The following LRBA variants were observed in gnomAD, a reference collection of about 807,000 sequenced individuals.
LRBA encodes LPS responsive beige-like anchor protein.
LRBA carries 176 observed loss-of-function variants against 330.0 expected under a neutral mutation model. The observed-to-expected ratio is 0.53, with a 90% CI of 0.47 to 0.60. LRBA has a LOEUF of 0.60. Ranked by LOEUF, LRBA falls within the 20% of genes least tolerant of loss-of-function variation. The pLI, the probability that LRBA is intolerant of heterozygous loss-of-function variation, is 0.00. For synonymous variants in LRBA, 1,230 were observed against 1,193.0 expected (o/e 1.03, Z -0.64); for missense variants, 3,259 against 3,444.8 (o/e 0.95, Z 1.35).
chr4:150,836,049 T>C (rs1348632322), intron 28 of LRBA, among the ~76,000 whole-genome samples: 1 of 152,216 alleles, frequency 6.6e-6, no homozygotes, highest in Non-Finnish European at 1.5e-5. Context: ...TCTGCATCTA[T>C]TGAGACAATC....
chr4:150,741,538 T>C (rs1731974229), intron 35 of LRBA, among the ~76,000 whole-genome samples: 1 of 152,156 alleles, frequency 6.6e-6, no homozygotes, highest in East Asian at 1.9e-4. Flanking sequence ...TAACAGGGAC[T>C]CTTATAATCA....
rs1179130964 is a variant in LRBA at position 150,265,034 on chromosome 4, AT to A, written c.*687del. 1 of 152,682 alleles carries A rather than the reference AT, an allele frequency of 6.5e-6. No individual in the cohort carries two copies. Among genetic ancestry groups the A allele is most frequent in the Non-Finnish European group, 1.5e-5 (1 of 68,056 alleles). 9.5% of individuals were successfully genotyped at this position (152,682 alleles called of 1,614,324 possible). A position where few individuals can be genotyped will look rare whatever the true frequency, so the allele number is the denominator to read the frequency against. Reference sequence around the variant, plus strand: ...TTGTGAGCTCAAGAGCATTTCCATCATTTCGTTTTGTTGTGCTATGAAGATG... The same window carrying A: ...TTGTGAGCTCAAGAGCATTTCCATCATTCGTTTTGTTGTGCTATGAAGATG... On this transcript the variant is annotated 3_prime_UTR_variant, in exon 57 of 57. Transcript: ENST00000651943.
At chr4:150,954,505 T>G (rs1433699224) in intron 2 of LRBA, among the ~76,000 whole-genome samples, 1 of 151,842 alleles carries the variant, frequency 6.6e-6, no homozygotes, top group East Asian at 1.9e-4. Context: ...CTGTGTCCAC[T>G]AAGGGTTAAA....
rs1752022429 is a variant in LRBA, at chr4:150,442,925, G to T, written c.6781-6061C>A. ...ATGATTTGGTCTGAGAAGACTCCAGGGAAAAACTATGATATATATGTCAAA... is the reference window on the plus strand; with the variant it reads ...ATGATTTGGTCTGAGAAGACTCCAGTGAAAAACTATGATATATATGTCAAA... On this transcript the variant is annotated intron_variant, in intron 44 of 56. Coordinates refer to ENST00000651943, the MANE Select transcript of LRBA (RefSeq NM_001364905.1). Among the ~76,000 whole-genome samples the T allele has an allele frequency of 2.0e-5, 3 of 152,108 alleles. No individual in the cohort carries two copies. The South Asian group carries it at 6.2e-4, about 32-fold the overall frequency.
chr4:150,529,634 T>G (rs932038184), intron 40 of LRBA, among the ~76,000 whole-genome samples: 1 of 151,442 alleles, frequency 6.6e-6, no homozygotes, highest in Non-Finnish European at 1.5e-5. Context: ...GAGAATTGCT[T>G]GAACCAGGAC....
intron 47 of LRBA, among the ~76,000 whole-genome samples, chr4:150,398,147 A>G (rs1744998747): frequency 1.3e-5 from 2 of 152,186 alleles, no homozygotes; most frequent in Non-Finnish European, 2.9e-5. Flanking sequence ...TGGAATAGAA[A>G]TATGTGAGAT....
intron 37 of LRBA, among the ~76,000 whole-genome samples, chr4:150,659,069 A>G (rs1378901417): frequency 1.5e-5 from 2 of 134,456 alleles, no homozygotes; most frequent in Admixed American, 7.6e-5. Flanking sequence ...GCTCACTACA[A>G]CCCACACCTC....
At chr4:150,273,263 A>C (rs1421768382) in intron 56 of LRBA, among the ~76,000 whole-genome samples, 1 of 152,228 alleles carries the variant, frequency 6.6e-6, no homozygotes, top group African/African-American at 2.4e-5. Flanking sequence ...GCAAGTGTTG[A>C]GACATTTAGT....
intron 42 of LRBA, among the ~76,000 whole-genome samples, chr4:150,480,541 A>C (rs1383227537): frequency 1.3e-5 from 2 of 152,118 alleles, no homozygotes; most frequent in Non-Finnish European, 2.9e-5. Context: ...ATATTAAATA[A>C]TGCTATAGCA....
chr4:150,620,473 A>T (rs1483360812), intron 37 of LRBA, among the ~76,000 whole-genome samples: 1 of 152,182 alleles, frequency 6.6e-6, no homozygotes. Flanking sequence ...CTGAAGGGAA[A>T]TCAGTCATTA....
At chr4:150,901,963 C>T (rs1439017913) in intron 13 of LRBA, among the ~76,000 whole-genome samples, 1 of 151,996 alleles carries the variant, frequency 6.6e-6, no homozygotes, top group Non-Finnish European at 1.5e-5. Context: ...AACACTGTAT[C>T]ATGGAAATAC....
At chr4:150,717,270 T>G (rs1728327688) in intron 36 of LRBA, among the ~76,000 whole-genome samples, 1 of 152,194 alleles carries the variant, frequency 6.6e-6, no homozygotes, top group Admixed American at 6.5e-5. Flanking sequence ...TATAGAAGTG[T>G]TTATTTTTAA....
intron 46 of LRBA, chr4:150,423,401 T>C: frequency 1.6e-6 from 1 of 636,592 alleles, no homozygotes; most frequent in Non-Finnish European, 2.8e-6. Context: ...CCACAGTCCC[T>C]TCCTTCTGCG....
Position 150,844,822 on chromosome 4 carries a change from T to C in LRBA, c.4340-43A>G, listed in dbSNP as rs748413425. On this transcript the variant is annotated intron_variant, in intron 26 of 56. Coordinates refer to ENST00000651943, the MANE Select transcript of LRBA (RefSeq NM_001364905.1). ...GAAAAGATAGGGAAAGAAAAGTTAA[T>C]ATTTAAGATTATGGAAGTGAAAAAC... is the stretch of plus-strand genomic sequence containing the variant. The C allele has an allele frequency of 2.0e-6, 3 of 1,523,850 alleles. No individual in the cohort carries two copies. The Admixed American group carries it at 5.2e-5, about 26-fold the overall frequency. The allele number at this position is 1,523,850 out of a possible 1,614,324, so 94.4% of individuals were successfully genotyped here.
chr4:150,291,012 T>G (rs1010859808), intron 53 of LRBA, among the ~76,000 whole-genome samples: 8 of 151,852 alleles, frequency 5.3e-5, no homozygotes, highest in South Asian at 2.1e-4. Context: ...TTGTGCAGGT[T>G]AGTTACATAT....
rs553330481 is a variant in LRBA, at chr4:150,587,897, CA to C, written c.6330+150del. 8.2e-3 allele frequency: 5,998 copies of C among 728,384 alleles called. 53 individuals are homozygous for C. Among genetic ancestry groups the C allele is most frequent in the South Asian group, 0.015 (475 of 30,686 alleles). The allele number at this position is 728,384 out of a possible 1,614,324, so 45.1% of individuals were successfully genotyped here. A position where few individuals can be genotyped will look rare whatever the true frequency, so the allele number is the denominator to read the frequency against. On this transcript the variant is annotated intron_variant, in intron 40 of 56. Coordinates refer to ENST00000651943, the MANE Select transcript of LRBA (RefSeq NM_001364905.1). ...ATAATCTAACTAACTGGTAGGGAAT[CA>C]TAAACTAAAGAAGATAATGACATTG... is the stretch of plus-strand genomic sequence containing the variant.
intron 47 of LRBA, 138 bp from the exon 48 acceptor site, chr4:150,350,297 C>T (rs888850140): frequency 1.4e-5 from 9 of 653,136 alleles, no homozygotes; most frequent in East Asian, 9.8e-5. Context: ...TGTGGCCGGG[C>T]GCAGTGGCTC....
At chr4:150,735,403 T>C in intron 35 of LRBA, 37 bp from the exon 36 acceptor site, 1 of 1,262,538 alleles carries the variant, frequency 7.9e-7, no homozygotes, top group Non-Finnish European at 1.2e-6. Flanking sequence ...AATATATGTA[T>C]ACACACACAA....
intron 4 of LRBA, 60 bp from the exon 5 acceptor site, chr4:150,921,353 ATCTTTAATATAG>A (rs1167330547): frequency 2.1e-6 from 2 of 951,722 alleles, no homozygotes; most frequent in African/African-American, 3.2e-5. Flanking sequence ...AAAAAAACAC[ATCTTTAATATAG>A]TCTTGCTGTA....
Sources: gnomAD v4.1 joint callset for allele counts (sites outside exome capture counted in the v4.1 genomes callset) on GRCh38, gnomAD v4.1.1 for gene constraint, MANE v1.5 for transcripts, NCBI Gene and HGNC (gene_info 2026-07-23, HGNC 2026-07-21) for gene names.